PDE3A: variants seen among roughly 807,000 people sequenced by gnomAD.
The protein encoded by PDE3A is phosphodiesterase 3A.
In PDE3A, 43 loss-of-function variants were observed where a neutral mutation model predicts 98.3. That is an observed-to-expected ratio of 0.44 (90% CI 0.34 to 0.56). The LOEUF is 0.56. Among genes scored for constraint, PDE3A ranks in the 20% least tolerant of loss-of-function variants. The pLI is 0.01. For synonymous variants in PDE3A, 663 were observed against 567.9 expected (o/e 1.17, Z -2.38); for missense variants, 1,427 against 1,440.7 (o/e 0.99, Z 0.15).
chr12:20,369,170 A>G lies in PDE3A; in HGVS notation c.-115A>G. 1 of 658,130 alleles carries G rather than the reference A, an allele frequency of 1.5e-6. No individual in the cohort carries two copies. The highest frequency in any genetic ancestry group is 2.3e-5 in the South Asian group (1 of 43,724). The allele number at this position is 658,130 out of a possible 1,614,324, so 40.8% of individuals were successfully genotyped here. A position where few individuals can be genotyped will look rare whatever the true frequency, so the allele number is the denominator to read the frequency against. On this transcript the variant is annotated 5_prime_UTR_variant, in exon 1 of 16. Transcript: ENST00000359062. Reference sequence around the variant, plus strand: ...GGGAGAAGAAGGATTCCGAGGGTGGAATTGGGAAGAGCGTGCGTGCGTGTG... The same window carrying G: ...GGGAGAAGAAGGATTCCGAGGGTGGGATTGGGAAGAGCGTGCGTGCGTGTG...
At chr12:20,479,218 T>A (rs1399685606) in intron 1 of PDE3A, among the ~76,000 whole-genome samples, 1 of 152,236 alleles carries the variant, frequency 6.6e-6, no homozygotes, top group Non-Finnish European at 1.5e-5. Flanking sequence ...TAATAGACAT[T>A]GAAAAACACT....
intron 1 of PDE3A, among the ~76,000 whole-genome samples, chr12:20,401,070 T>A (rs1944120725): frequency 6.6e-6 from 1 of 152,162 alleles, no homozygotes; most frequent in Admixed American, 6.5e-5. Context: ...GGCCAAAACA[T>A]CACTGGAACT....
intron 15 of PDE3A, among the ~76,000 whole-genome samples, chr12:20,660,071 A>C (rs892080272): frequency 6.6e-6 from 1 of 152,094 alleles, no homozygotes; most frequent in African/African-American, 2.4e-5. Flanking sequence ...GTGGGAGGTA[A>C]TCGAATCATA....
chr12:20,426,480 C>T (rs1005354988), intron 1 of PDE3A, among the ~76,000 whole-genome samples: 3 of 152,136 alleles, frequency 2.0e-5, no homozygotes, highest in Admixed American at 6.6e-5. Flanking sequence ...GGCCGCATCA[C>T]GGCTGGAATA....
At chr12:20,550,232 G>T (rs1942162563) in intron 1 of PDE3A, among the ~76,000 whole-genome samples, 1 of 152,016 alleles carries the variant, frequency 6.6e-6, no homozygotes, top group Non-Finnish European at 1.5e-5. Context: ...GATCCTGTTA[G>T]TTTAAACTCA....
intron 1 of PDE3A, among the ~76,000 whole-genome samples, chr12:20,488,589 A>T (rs77836780): frequency 6.6e-6 from 1 of 152,220 alleles, no homozygotes; most frequent in East Asian, 1.9e-4. Flanking sequence ...TCCCAGCACT[A>T]TGGGAGGCCG....
chr12:20,564,246 G>T (rs1942601804), intron 2 of PDE3A, among the ~76,000 whole-genome samples: 1 of 152,116 alleles, frequency 6.6e-6, no homozygotes, highest in African/African-American at 2.4e-5. Context: ...TCTAGACATT[G>T]TCAAATGTTC....
intron 15 of PDE3A, among the ~76,000 whole-genome samples, chr12:20,671,910 G>T (rs1945493229): frequency 6.9e-6 from 1 of 145,426 alleles, no homozygotes; most frequent in Non-Finnish European, 1.5e-5. Context: ...AAGTCAAATT[G>T]TCCCTGTTTG....
intron 1 of PDE3A, among the ~76,000 whole-genome samples, chr12:20,456,161 A>G (rs1464972926): frequency 6.6e-6 from 1 of 152,132 alleles, no homozygotes; most frequent in Admixed American, 6.6e-5. Flanking sequence ...AGGAGAGTGT[A>G]TATTTTAGAA....
chr12:20,388,447 C>T lies in PDE3A; in HGVS notation c.960+18203C>T, dbSNP rs1403472816. 3.9e-5 allele frequency among the ~76,000 whole-genome samples: 6 copies of T among 151,930 alleles called. No homozygotes were observed. In the East Asian group the frequency reaches 1.2e-3, roughly 29 times the overall value. On this transcript the variant is annotated intron_variant, in intron 1 of 15. Coordinates refer to ENST00000359062, the MANE Select transcript of PDE3A (RefSeq NM_000921.5). ...TACCGAAACATGTTTCAGTTTTTAC[C>T]AAGGCTTTTTGGTGTCTTTTTGTTT...
At chr12:20,591,961 G>C (rs1427800821) in intron 2 of PDE3A, among the ~76,000 whole-genome samples, 1 of 152,132 alleles carries the variant, frequency 6.6e-6, no homozygotes, top group African/African-American at 2.4e-5. Flanking sequence ...ATTATGATAA[G>C]CACTGGTGAT....
intron 2 of PDE3A, among the ~76,000 whole-genome samples, chr12:20,580,287 C>T (rs1943033913): frequency 6.6e-6 from 1 of 152,070 alleles, no homozygotes; most frequent in Non-Finnish European, 1.5e-5. Context: ...AAAGACATGG[C>T]TCCTTACCTC....
chr12:20,673,521 T>TA (rs1278437475), intron 15 of PDE3A, among the ~76,000 whole-genome samples: 3 of 146,116 alleles, frequency 2.1e-5, no homozygotes, highest in Admixed American at 1.4e-4. Flanking sequence ...TATGCAGCCA[T>TA]AAAAAATGAT....
intron 1 of PDE3A, 66 bp from the exon 2 acceptor site, chr12:20,556,594 A>T: frequency 9.8e-7 from 1 of 1,017,142 alleles, no homozygotes; most frequent in Non-Finnish European, 1.5e-6. Context: ...ATTCTTTAAA[A>T]TAAAGAAGAA....
intron 1 of PDE3A, among the ~76,000 whole-genome samples, chr12:20,386,757 T>C (rs1943818715): frequency 6.6e-6 from 1 of 152,062 alleles, no homozygotes; most frequent in Non-Finnish European, 1.5e-5. Flanking sequence ...ATGATTGTTT[T>C]GCTATGGAGA....
At chr12:20,487,501 T>TAAAAAAAAAA (rs34671800) in intron 1 of PDE3A, among the ~76,000 whole-genome samples, 2 of 61,996 alleles carry the variant, frequency 3.2e-5, no homozygotes, top group South Asian at 8.9e-4. Context: ...CTGTCTCTAC[T>TAAAAAAAAAA]AAAAAAAAAA....
intron 1 of PDE3A, among the ~76,000 whole-genome samples, chr12:20,459,128 G>A (rs1945204155): frequency 6.6e-6 from 1 of 152,136 alleles, no homozygotes; most frequent in African/African-American, 2.4e-5. Context: ...TTTGTACAAT[G>A]TACATCTGTT....
chr12:20,480,091 G>A (rs915490280), intron 1 of PDE3A, among the ~76,000 whole-genome samples: 2 of 152,136 alleles, frequency 1.3e-5, no homozygotes, highest in African/African-American at 2.4e-5. Context: ...TCAAGCTCTT[G>A]CTGCTGCTAC....
chr12:20,421,551 C>A (rs186743660), intron 1 of PDE3A, among the ~76,000 whole-genome samples: 1 of 147,440 alleles, frequency 6.8e-6, no homozygotes, highest in Non-Finnish European at 1.5e-5. Context: ...AAGCAAATAG[C>A]ATAAAACACT....
Sources: gnomAD v4.1 joint callset for allele counts (sites outside exome capture counted in the v4.1 genomes callset) on GRCh38, gnomAD v4.1.1 for gene constraint, MANE v1.5 for transcripts, NCBI Gene and HGNC (gene_info 2026-07-23, HGNC 2026-07-21) for gene names.